GRIP1: variants seen among roughly 807,000 people sequenced by gnomAD.
The protein encoded by GRIP1 is glutamate receptor-interacting protein 1.
Under a neutral mutation model 129.9 loss-of-function variants are expected in GRIP1, and 45 were observed. That is an observed-to-expected ratio of 0.35 (90% CI 0.27 to 0.44). The LOEUF is 0.44. Ranked by LOEUF, GRIP1 falls within the 20% of genes least tolerant of loss-of-function variation. GRIP1 has a pLI of 1.00. For missense variants in GRIP1, 1,196 were observed against 1,396.8 expected, an observed-to-expected ratio of 0.86 and a Z score of 2.29; for synonymous variants, 530 against 520.8, an observed-to-expected ratio of 1.02 and a Z score of -0.24.
intron 1 of GRIP1, among the ~76,000 whole-genome samples, chr12:66,912,075 C>T (rs1267540162): frequency 6.6e-6 from 1 of 152,094 alleles, no homozygotes; most frequent in East Asian, 1.9e-4. Context: ...TTTAGTTTTA[C>T]TTTGTAATGA....
chr12:66,461,348 T>C (rs1305233339), intron 9 of GRIP1, among the ~76,000 whole-genome samples: 1 of 152,160 alleles, frequency 6.6e-6, no homozygotes, highest in African/African-American at 2.4e-5. Context: ...CACTACACAG[T>C]GTACATTCTT....
chr12:67,018,970 T>C (rs1323581663), intron 1 of GRIP1, among the ~76,000 whole-genome samples: 8 of 152,032 alleles, frequency 5.3e-5, no homozygotes, highest in Non-Finnish European at 2.9e-5. Context: ...CACTCAGGGA[T>C]ACAGTTTAAA....
chr12:67,040,454 C>T (rs2135809513), intron 1 of GRIP1, among the ~76,000 whole-genome samples: 1 of 152,354 alleles, frequency 6.6e-6, no homozygotes, highest in South Asian at 2.1e-4. Flanking sequence ...ATTAAAATCA[C>T]TGTAGTGGAA....
chr12:67,025,429 C>G (rs546105309), intron 1 of GRIP1, among the ~76,000 whole-genome samples: 1 of 138,350 alleles, frequency 7.2e-6, no homozygotes, highest in Non-Finnish European at 1.6e-5. Flanking sequence ...ATTTGGAGAA[C>G]AGGAAACTTA....
chr12:66,358,030 A>T (rs1413561265), intron 23 of GRIP1, among the ~76,000 whole-genome samples: 1 of 152,048 alleles, frequency 6.6e-6, no homozygotes, highest in Non-Finnish European at 1.5e-5. Flanking sequence ...AGTTGCTGAG[A>T]TTACAGGCAC....
intron 1 of GRIP1, among the ~76,000 whole-genome samples, chr12:66,774,247 T>C (rs2037910250): frequency 6.6e-6 from 1 of 152,180 alleles, no homozygotes; most frequent in African/African-American, 2.4e-5. Flanking sequence ...ATTAACAGGC[T>C]CACTCCACCT....
intron 1 of GRIP1, among the ~76,000 whole-genome samples, chr12:66,978,690 T>C (rs537303632): frequency 1.3e-5 from 2 of 152,270 alleles, no homozygotes; most frequent in African/African-American, 2.4e-5. Flanking sequence ...AAAAGAAGTA[T>C]TGGCGTCAAA....
intron 14 of GRIP1, among the ~76,000 whole-genome samples, chr12:66,423,708 A>G (rs2057888844): frequency 6.6e-6 from 1 of 152,236 alleles, no homozygotes; most frequent in Admixed American, 6.5e-5. Context: ...TCCTGAAGTT[A>G]TTAGGCATGA....
chr12:67,023,007 T>C (rs1342067278), intron 1 of GRIP1, among the ~76,000 whole-genome samples: 3 of 152,194 alleles, frequency 2.0e-5, no homozygotes, highest in Admixed American at 6.6e-5. Context: ...AAAATTTTGG[T>C]TTATTTATTA....
chr12:66,962,518 T>C (rs2041936698), intron 1 of GRIP1, among the ~76,000 whole-genome samples: 1 of 152,234 alleles, frequency 6.6e-6, no homozygotes, highest in Admixed American at 6.5e-5. Context: ...GTGGCCTCTC[T>C]GCAACAAAAA....
At chr12:66,744,009 C>T (rs2036869358) in intron 1 of GRIP1, among the ~76,000 whole-genome samples, 1 of 152,116 alleles carries the variant, frequency 6.6e-6, no homozygotes, top group South Asian at 2.1e-4. Context: ...TCCTTCAGTG[C>T]TTTTCCATTG....
chr12:66,622,893 G>A (rs2065337309), intron 1 of GRIP1, among the ~76,000 whole-genome samples: 1 of 152,130 alleles, frequency 6.6e-6, no homozygotes, highest in Non-Finnish European at 1.5e-5. Context: ...GGGTTGATGT[G>A]CTAGTTTGAG....
chr12:67,033,476 A>T (rs1312786289), intron 1 of GRIP1, among the ~76,000 whole-genome samples: 1 of 152,122 alleles, frequency 6.6e-6, no homozygotes, highest in African/African-American at 2.4e-5. Flanking sequence ...AAACAAAGTA[A>T]TGTTCATTCA....
intron 2 of GRIP1, among the ~76,000 whole-genome samples, chr12:66,565,214 A>T (rs1348199922): frequency 6.6e-6 from 1 of 152,178 alleles, no homozygotes; most frequent in African/African-American, 2.4e-5. Flanking sequence ...TATGGCCTGA[A>T]TGGTATTGCC....
At chr12:66,397,110 C>CAAAAAAAAAAA (rs71436004) in intron 16 of GRIP1, among the ~76,000 whole-genome samples, 7 of 60,200 alleles carry the variant, frequency 1.2e-4, no homozygotes, top group Non-Finnish European at 1.7e-4. Context: ...GACTCTGTCT[C>CAAAAAAAAAAA]AAAAAAAAAA....
rs114384636 is a variant in GRIP1 at position 67,012,157 on chromosome 12, T to C, written c.58+56893A>G. Among the ~76,000 whole-genome samples, 845 of 152,316 alleles carry C rather than the reference T, an allele frequency of 5.5e-3. 13 individuals carry two copies. Among genetic ancestry groups the C allele is most frequent in the African/African-American group, 0.02 (813 of 41,566 alleles). Reference sequence around the variant, plus strand: ...CAGTGAAATTTGTTCCATATATCTCTGTGGATCAATAAGTACAAGCTGTAG... The same window carrying C: ...CAGTGAAATTTGTTCCATATATCTCCGTGGATCAATAAGTACAAGCTGTAG... On this transcript the variant is annotated intron_variant, in intron 1 of 1. Transcript: ENST00000643019.
At chr12:67,068,692 AC>A (rs1321094896) in intron 1 of GRIP1, among the ~76,000 whole-genome samples, 1 of 132,812 alleles carries the variant, frequency 7.5e-6, no homozygotes, top group Non-Finnish European at 1.6e-5. Flanking sequence ...GCCCACCATC[AC>A]CCCCCAGCAC....
intron 2 of GRIP1, among the ~76,000 whole-genome samples, chr12:66,558,463 A>T (rs1200627576): frequency 6.6e-6 from 1 of 152,182 alleles, no homozygotes; most frequent in Admixed American, 6.5e-5. Flanking sequence ...AACATGTGTG[A>T]ATTATGGGAG....
At chr12:66,692,544 TA>T (rs1012769340) in intron 1 of GRIP1, among the ~76,000 whole-genome samples, 7 of 151,214 alleles carry the variant, frequency 4.6e-5, no homozygotes, top group Admixed American at 6.6e-5. Flanking sequence ...GGAGGAGATT[TA>T]AAAAAAAACA....
Sources: allele counts gnomAD v4.1 joint callset (sites outside exome capture counted in the v4.1 genomes callset), GRCh38; gene constraint gnomAD v4.1.1; transcripts MANE v1.5; gene names NCBI Gene and HGNC (gene_info 2026-07-23, HGNC 2026-07-21).